IL1RAPL1: variants seen among roughly 807,000 people sequenced by gnomAD.
The protein encoded by IL1RAPL1 is interleukin-1 receptor accessory protein-like 1.
Under a neutral mutation model 48.4 loss-of-function variants are expected in IL1RAPL1, and 3 were observed. The observed-to-expected ratio is 0.06, with a 90% CI of 0.03 to 0.16. IL1RAPL1 has a LOEUF of 0.16. Among genes scored for constraint, IL1RAPL1 ranks in the 10% least tolerant of loss-of-function variants. IL1RAPL1 has a pLI of 1.00. For synonymous variants in IL1RAPL1, 185 were observed against 187.7 expected (o/e 0.99, Z 0.12); for missense variants, 349 against 530.6 (o/e 0.66, Z 3.36).
At chrX:28,864,309 A>G (rs1922025327) in intron 2 of IL1RAPL1, among the ~76,000 whole-genome samples, 1 of 112,098 alleles carries the variant, frequency 8.9e-6, no homozygotes, top group African/African-American at 3.2e-5. Context: ...CCATATTTAA[A>G]TCTGTGAATT....
chrX:28,875,434 C>G (rs1472347934), intron 2 of IL1RAPL1, among the ~76,000 whole-genome samples: 1 of 112,339 alleles, frequency 8.9e-6, no homozygotes, highest in Non-Finnish European at 1.9e-5. Flanking sequence ...TAATGAACAG[C>G]CCCGAATATG....
At chrX:29,138,775 T>TAAAAAAAAAAAAAAAAA (rs751624483) in intron 2 of IL1RAPL1, among the ~76,000 whole-genome samples, 1 of 67,381 alleles carries the variant, frequency 1.5e-5, no homozygotes, top group Non-Finnish European at 2.9e-5. Context: ...AGACTCCATC[T>TAAAAAAAAAAAAAAAAA]AAAAAAAAAA....
intron 2 of IL1RAPL1, among the ~76,000 whole-genome samples, chrX:29,151,990 G>A (rs1398125393): frequency 1.8e-5 from 2 of 111,781 alleles, no homozygotes; most frequent in Admixed American, 1.9e-4. Context: ...ATGCTGCTAT[G>A]AAGAAATACC....
chrX:29,613,996 C>G (rs959136812), intron 5 of IL1RAPL1, among the ~76,000 whole-genome samples: 1 of 109,399 alleles, frequency 9.1e-6, no homozygotes, highest in Non-Finnish European at 1.9e-5. Context: ...ATCTCCTGAC[C>G]TCGTGATCTG....
intron 5 of IL1RAPL1, among the ~76,000 whole-genome samples, chrX:29,483,587 C>T (rs1935063510): frequency 9.0e-6 from 1 of 111,411 alleles, no homozygotes; most frequent in Non-Finnish European, 1.9e-5. Flanking sequence ...GAAGCTATAA[C>T]TAATAGACAC....
chrX:29,421,978 A>G (rs1316465624), intron 5 of IL1RAPL1, among the ~76,000 whole-genome samples: 1 of 111,797 alleles, frequency 8.9e-6, no homozygotes, highest in African/African-American at 3.3e-5. Context: ...GAAAAAAGAC[A>G]TATACATTTA....
At chrX:29,262,205 T>C (rs1931872932) in intron 2 of IL1RAPL1, among the ~76,000 whole-genome samples, 1 of 112,585 alleles carries the variant, frequency 8.9e-6, no homozygotes, top group Non-Finnish European at 1.9e-5. Context: ...TCTCAATACA[T>C]TGTAGTTACT....
intron 2 of IL1RAPL1, among the ~76,000 whole-genome samples, chrX:28,822,506 T>A (rs1936947369): frequency 8.9e-6 from 1 of 112,038 alleles, no homozygotes; most frequent in Admixed American, 9.5e-5. Context: ...GACACATTGC[T>A]GTTGTGCCTA....
At chrX:29,765,732 G>A (rs1261099989) in intron 6 of IL1RAPL1, among the ~76,000 whole-genome samples, 1 of 111,710 alleles carries the variant, frequency 9.0e-6, no homozygotes, top group Non-Finnish European at 1.9e-5. Flanking sequence ...CTTATTGCAG[G>A]CAAATAATGT....
At chrX:29,244,538 C>A (rs1274515083) in intron 2 of IL1RAPL1, among the ~76,000 whole-genome samples, 1 of 112,160 alleles carries the variant, frequency 8.9e-6, no homozygotes, top group East Asian at 2.8e-4. Context: ...TTCTCATTTT[C>A]CATCCCATAT....
chrX:29,513,825 G>C (rs969196579), intron 5 of IL1RAPL1, among the ~76,000 whole-genome samples: 10 of 111,758 alleles, frequency 8.9e-5, no homozygotes, highest in African/African-American at 3.2e-4. Flanking sequence ...TCCAATATCT[G>C]TTCATATCCT....
intron 6 of IL1RAPL1, among the ~76,000 whole-genome samples, chrX:29,883,782 C>T (rs761153387): frequency 8.9e-6 from 1 of 112,152 alleles, no homozygotes; most frequent in Non-Finnish European, 1.9e-5. Context: ...CTGCATCAGG[C>T]TTCATGTTTT....
chrX:29,389,085 G>A (rs1030467244), intron 3 of IL1RAPL1, among the ~76,000 whole-genome samples: 17 of 111,237 alleles, frequency 1.5e-4, no homozygotes, highest in African/African-American at 5.6e-4. Flanking sequence ...GGCCAGGTGC[G>A]GTGGCTCACA....
At chrX:29,844,523 G>T (rs980394999) in intron 6 of IL1RAPL1, among the ~76,000 whole-genome samples, 5 of 111,240 alleles carry the variant, frequency 4.5e-5, no homozygotes, top group Non-Finnish European at 9.4e-5. Flanking sequence ...AGTATCCACA[G>T]GTTTTGAATC....
At chrX:28,728,886 A>G (rs1459288157) in intron 1 of IL1RAPL1, among the ~76,000 whole-genome samples, 1 of 111,495 alleles carries the variant, frequency 9.0e-6, no homozygotes, top group African/African-American at 3.3e-5. Context: ...TCTTGTAGAT[A>G]TTATGGCTAT....
In IL1RAPL1 at chrX:28,662,049, CTCT is replaced by C. The variant is rs1260084286; in HGVS notation, c.-25+74007_-25+74009del. On this transcript the variant is annotated intron_variant, in intron 1 of 10. Transcript: ENST00000378993. ...GTTCTGTTGAAGGGTGGGAGGCGCC[CTCT>C]TCTTTGCTCCTTCAGGTGTTAACCT... is the stretch of plus-strand genomic sequence containing the variant. Among the ~76,000 whole-genome samples the C allele has an allele frequency of 9.9e-5, 11 of 111,245 alleles. No individual in the cohort carries two copies. In the South Asian group the frequency reaches 4.2e-3, roughly 43 times the overall value.
At chrX:29,774,023 T>C (rs1193398965) in intron 6 of IL1RAPL1, among the ~76,000 whole-genome samples, 1 of 110,461 alleles carries the variant, frequency 9.1e-6, no homozygotes, top group African/African-American at 3.3e-5. Flanking sequence ...TATAACAGTG[T>C]AGTTATGTAA....
intron 1 of IL1RAPL1, among the ~76,000 whole-genome samples, chrX:28,694,291 G>T (rs183503622): frequency 8.9e-6 from 1 of 111,826 alleles, no homozygotes; most frequent in Non-Finnish European, 1.9e-5. Context: ...AATAAACCTG[G>T]GGAGCTTTGG....
intron 8 of IL1RAPL1, among the ~76,000 whole-genome samples, chrX:29,933,657 CAAAAAAA>C (rs1217616087): frequency 1.2e-4 from 4 of 34,120 alleles, no homozygotes; most frequent in Non-Finnish European, 2.7e-4. Context: ...ACAAAATAGA[CAAAAAAA>C]AAAAAAAAAG....
Sources: allele counts gnomAD v4.1 joint callset (sites outside exome capture counted in the v4.1 genomes callset), GRCh38; gene constraint gnomAD v4.1.1; transcripts MANE v1.5; gene names NCBI Gene and HGNC (gene_info 2026-07-23, HGNC 2026-07-21).